The following FRMD4A variants were observed in gnomAD, a reference collection of about 807,000 sequenced individuals.
The protein encoded by FRMD4A is FERM domain-containing protein 4A.
Under a neutral mutation model 129.1 loss-of-function variants are expected in FRMD4A, and 29 were observed. That is an observed-to-expected ratio of 0.22 (90% CI 0.17 to 0.31). FRMD4A has a LOEUF of 0.31. FRMD4A is among the 10% of genes least tolerant of loss of function. FRMD4A has a pLI of 1.00. For synonymous variants in FRMD4A, 634 were observed against 571.6 expected, an observed-to-expected ratio of 1.11 and a Z score of -1.56; for missense variants, 1,272 against 1,375.8, an observed-to-expected ratio of 0.92 and a Z score of 1.19.
At chr10:13,684,736 A>G in intron 15 of FRMD4A, 2 of 985,112 alleles carry the variant, frequency 2.0e-6, no homozygotes, top group South Asian at 9.4e-5. Context: ...CACTGATTTC[A>G]GAAGACAGAG....
At chr10:13,964,401 T>A (rs1211630822) in intron 2 of FRMD4A, among the ~76,000 whole-genome samples, 1 of 151,402 alleles carries the variant, frequency 6.6e-6, no homozygotes, top group African/African-American at 2.4e-5. Flanking sequence ...GTAATTCAGA[T>A]TGTTGGTCTT....
At chr10:13,933,405 C>T (rs996618808) in intron 2 of FRMD4A, among the ~76,000 whole-genome samples, 2 of 152,140 alleles carry the variant, frequency 1.3e-5, no homozygotes, top group African/African-American at 4.8e-5. Context: ...TATGCTTGGG[C>T]CGTTCCCACA....
intron 2 of FRMD4A, among the ~76,000 whole-genome samples, chr10:14,186,819 C>A (rs1349066035): frequency 1.3e-5 from 2 of 152,102 alleles, no homozygotes; most frequent in Non-Finnish European, 2.9e-5. Context: ...AAGTTGTACC[C>A]TTAAGGAATA....
intron 2 of FRMD4A, among the ~76,000 whole-genome samples, chr10:14,125,891 A>G (rs574614714): frequency 5.3e-5 from 8 of 152,312 alleles, no homozygotes; most frequent in African/African-American, 1.9e-4. Context: ...GAACAAAACA[A>G]AACAAAACAA....
At chr10:13,653,119 C>G (rs1038615237) in intron 23 of FRMD4A, 1 of 151,838 alleles carries the variant, frequency 6.6e-6, no homozygotes, top group African/African-American at 2.4e-5. Flanking sequence ...AGAAGCTGCT[C>G]GCAGCCTTTG....
chr10:14,113,127 T>C (rs1838011559), intron 2 of FRMD4A, among the ~76,000 whole-genome samples: 1 of 152,166 alleles, frequency 6.6e-6, no homozygotes, highest in Admixed American at 6.5e-5. Flanking sequence ...TGATTTTCAT[T>C]TCATTTGTCA....
chr10:13,855,809 G>A (rs751984120), intron 3 of FRMD4A, among the ~76,000 whole-genome samples: 3 of 152,016 alleles, frequency 2.0e-5, no homozygotes, highest in Non-Finnish European at 4.4e-5. Flanking sequence ...CCTTTAGAAA[G>A]GATACTGCCC....
At chr10:14,212,754 G>T (rs1404165413) in intron 2 of FRMD4A, among the ~76,000 whole-genome samples, 1 of 152,236 alleles carries the variant, frequency 6.6e-6, no homozygotes, top group Non-Finnish European at 1.5e-5. Context: ...ACCTATGGTG[G>T]CTGAGCAGGA....
intron 2 of FRMD4A, among the ~76,000 whole-genome samples, chr10:14,212,662 ATAAG>A (rs960257735): frequency 6.6e-6 from 1 of 152,232 alleles, no homozygotes; most frequent in African/African-American, 2.4e-5. Flanking sequence ...GTTGTGGGCA[ATAAG>A]TGAGTTGTTT....
intron 2 of FRMD4A, among the ~76,000 whole-genome samples, chr10:14,190,882 G>A (rs570552932): frequency 9.9e-5 from 15 of 152,284 alleles, no homozygotes; most frequent in Admixed American, 3.9e-4. Context: ...TTGGGCATGC[G>A]CAGTTATCTA....
At chr10:13,772,166 ATATAT>A (rs572578793) in intron 6 of FRMD4A, among the ~76,000 whole-genome samples, 1,496 of 135,740 alleles carry the variant, frequency 0.011, 37 homozygotes, top group African/African-American at 0.04. Context: ...ATAATATATA[ATATAT>A]TATATTATAT....
At chr10:14,254,356 C>A (rs540425784) in intron 2 of FRMD4A, among the ~76,000 whole-genome samples, 230 of 152,264 alleles carry the variant, frequency 1.5e-3, no homozygotes, top group African/African-American at 5.3e-3. Flanking sequence ...ATACTCTCTA[C>A]GAGTAATTCT....
intron 2 of FRMD4A, among the ~76,000 whole-genome samples, chr10:14,076,742 C>T (rs149174839): frequency 1.5e-4 from 23 of 152,276 alleles, no homozygotes; most frequent in African/African-American, 4.6e-4. Flanking sequence ...CCTTTTTCTA[C>T]ACTTGTCTGT....
intron 2 of FRMD4A, among the ~76,000 whole-genome samples, chr10:14,313,329 A>C (rs1218417): frequency 0.064 from 9,799 of 152,222 alleles, 954 homozygotes; most frequent in African/African-American, 0.21. Context: ...CGCCTCTGCA[A>C]TCCACCTTGG....
intron 15 of FRMD4A, among the ~76,000 whole-genome samples, chr10:13,679,064 A>G (rs1008744760): frequency 1.3e-5 from 2 of 151,520 alleles, no homozygotes; most frequent in Non-Finnish European, 2.9e-5. Context: ...TACTCTCTCT[A>G]CCCTTCCCAG....
At chr10:14,251,986 A>G (rs1844457303) in intron 2 of FRMD4A, among the ~76,000 whole-genome samples, 1 of 152,236 alleles carries the variant, frequency 6.6e-6, no homozygotes, top group Non-Finnish European at 1.5e-5. Context: ...AATAGAAAAG[A>G]AGACATTAGT....
At chr10:13,844,197 G>A (rs980847134) in intron 3 of FRMD4A, among the ~76,000 whole-genome samples, 6 of 151,928 alleles carry the variant, frequency 3.9e-5, no homozygotes, top group Non-Finnish European at 8.8e-5. Context: ...ATGTGTGTGC[G>A]GTTGACAGAC....
intron 4 of FRMD4A, among the ~76,000 whole-genome samples, chr10:13,803,544 C>A (rs2093300514): frequency 1.3e-5 from 2 of 151,814 alleles, no homozygotes; most frequent in Admixed American, 1.3e-4. Flanking sequence ...TGCTGTGATG[C>A]CCAGGTTGGC....
chr10:13,823,740 T>C (rs1298612686), intron 3 of FRMD4A, among the ~76,000 whole-genome samples: 2 of 152,176 alleles, frequency 1.3e-5, no homozygotes, highest in African/African-American at 4.8e-5. Flanking sequence ...AATGACACAT[T>C]GGCAGATTGG....
Sources: allele counts gnomAD v4.1 joint callset (sites outside exome capture counted in the v4.1 genomes callset), GRCh38; gene constraint gnomAD v4.1.1; transcripts MANE v1.5; gene names NCBI Gene and HGNC (gene_info 2026-07-23, HGNC 2026-07-21).